The following GNAO1 variants were observed in gnomAD, a reference collection of about 807,000 sequenced individuals.
The protein encoded by GNAO1 is G protein subunit alpha o1, also known as guanine nucleotide-binding protein G(o) subunit alpha.
For synonymous variants in GNAO1, 164 were observed against 180.7 expected (o/e 0.91, Z 0.74); for missense variants, 166 against 478.7 (o/e 0.35, Z 6.10).
intron 3 of GNAO1, among the ~76,000 whole-genome samples, chr16:56,287,296 G>A (rs760461434): frequency 6.6e-6 from 1 of 152,126 alleles, no homozygotes; most frequent in Non-Finnish European, 1.5e-5. Flanking sequence ...TCAACACCTC[G>A]CTTCAAAGCT....
At chr16:56,284,075 C>G (rs1480195523) in intron 3 of GNAO1, among the ~76,000 whole-genome samples, 1 of 152,202 alleles carries the variant, frequency 6.6e-6, no homozygotes, top group African/African-American at 2.4e-5. Context: ...CATTTTCTTT[C>G]ATTCAGTTGG....
intron 2 of GNAO1, among the ~76,000 whole-genome samples, chr16:56,227,687 CAAAAAAAAAAA>C (rs386384777): frequency 1.6e-5 from 1 of 61,954 alleles, no homozygotes. Context: ...GACCCTGTCT[CAAAAAAAAAAA>C]AAAAAAAAAA....
chr16:56,212,444 T>C (rs1232923435), intron 2 of GNAO1, among the ~76,000 whole-genome samples: 5 of 152,244 alleles, frequency 3.3e-5, no homozygotes, highest in Non-Finnish European at 7.3e-5. Context: ...CTTGGCTGAC[T>C]GTCATCTCTC....
intron 3 of GNAO1, among the ~76,000 whole-genome samples, chr16:56,289,102 A>G (rs1445492836): frequency 6.6e-6 from 1 of 152,164 alleles, no homozygotes; most frequent in African/African-American, 2.4e-5. Context: ...TCAATTGAAG[A>G]CTGACTTTCT....
chr16:56,299,057 A>G (rs1335426427), intron 3 of GNAO1, among the ~76,000 whole-genome samples: 1 of 152,200 alleles, frequency 6.6e-6, no homozygotes, highest in African/African-American at 2.4e-5. Flanking sequence ...AGCAGGTAAA[A>G]TGATTAACCT....
intron 2 of GNAO1, among the ~76,000 whole-genome samples, chr16:56,210,634 G>A (rs904388422): frequency 2.0e-5 from 3 of 152,200 alleles, no homozygotes; most frequent in East Asian, 1.9e-4. Flanking sequence ...GTGGTATCTC[G>A]TTGTTAGAGA....
intron 3 of GNAO1, 61 bp from the exon 4 acceptor site, chr16:56,328,570 C>T: frequency 6.4e-7 from 1 of 1,557,142 alleles, no homozygotes. Flanking sequence ...GAGCCCTTGG[C>T]TGGCAGAGGT....
chr16:56,318,892 A>C (rs1440809312), intron 3 of GNAO1, among the ~76,000 whole-genome samples: 1 of 152,170 alleles, frequency 6.6e-6, no homozygotes, highest in East Asian at 1.9e-4. Flanking sequence ...TTATCTGCAC[A>C]AACAGCCCTG....
At chr16:56,215,784 C>T (rs1413586564) in intron 2 of GNAO1, among the ~76,000 whole-genome samples, 1 of 152,136 alleles carries the variant, frequency 6.6e-6, no homozygotes, top group Non-Finnish European at 1.5e-5. Flanking sequence ...TATGAAACTT[C>T]AGTATACATA....
At chr16:56,346,262 T>C in intron 6 of GNAO1, 1 of 985,346 alleles carries the variant, frequency 1.0e-6, no homozygotes, top group African/African-American at 1.7e-5. Flanking sequence ...TGACTGAGGG[T>C]GACAAATGAG....
At chr16:56,347,531 G>C (rs2037882716) in intron 6 of GNAO1, 1 of 985,534 alleles carries the variant, frequency 1.0e-6, no homozygotes, top group South Asian at 4.7e-5. Flanking sequence ...ACTGCAGCCA[G>C]ATGAAGGCCC....
At chr16:56,347,760 T>TG in intron 6 of GNAO1, 1 of 444,840 alleles carries the variant, frequency 2.2e-6, no homozygotes, top group Non-Finnish European at 2.6e-6. Flanking sequence ...TCCCCTTCCC[T>TG]CCCCACCCCT....
intron 4 of GNAO1, among the ~76,000 whole-genome samples, chr16:56,334,422 G>GA (rs1295170411): frequency 6.6e-6 from 1 of 152,100 alleles, no homozygotes; most frequent in Non-Finnish European, 1.5e-5. Flanking sequence ...TCTTTTAAAT[G>GA]AAAAAATGAC....
chr16:56,296,686 G>C (rs933907668), intron 3 of GNAO1, among the ~76,000 whole-genome samples: 1 of 152,172 alleles, frequency 6.6e-6, no homozygotes, highest in Non-Finnish European at 1.5e-5. Flanking sequence ...CTGGGCTCCA[G>C]CTAGAGCCCA....
At chr16:56,297,368 G>A (rs985313910) in intron 3 of GNAO1, among the ~76,000 whole-genome samples, 1 of 152,056 alleles carries the variant, frequency 6.6e-6, no homozygotes, top group Non-Finnish European at 1.5e-5. Flanking sequence ...AAGGCTCAGG[G>A]AGGCCAACCA....
intron 6 of GNAO1, chr16:56,344,472 G>C: frequency 1.0e-6 from 1 of 991,858 alleles, no homozygotes; most frequent in Non-Finnish European, 1.2e-6. Flanking sequence ...GAGGACTCAG[G>C]CCTTGGCGAT....
intron 7 of GNAO1, chr16:56,353,239 T>A (rs1391644787): frequency 3.9e-5 from 6 of 152,276 alleles, no homozygotes; most frequent in African/African-American, 1.4e-4. Flanking sequence ...GTAGGCCCCC[T>A]CAGGCCAGGG....
At chr16:56,204,209 G>C (rs539025121) in intron 2 of GNAO1, among the ~76,000 whole-genome samples, 1 of 152,190 alleles carries the variant, frequency 6.6e-6, no homozygotes, top group Admixed American at 6.5e-5. Flanking sequence ...GGAAACACAG[G>C]AGCAGGGAAG....
chr16:56,342,520 T>G (rs1234107558), intron 6 of GNAO1, among the ~76,000 whole-genome samples: 1 of 152,190 alleles, frequency 6.6e-6, no homozygotes, highest in Non-Finnish European at 1.5e-5. Flanking sequence ...TCCTAGACTC[T>G]CCTCTCCCTG....
Sources: gnomAD v4.1 joint callset for allele counts (sites outside exome capture counted in the v4.1 genomes callset) on GRCh38, gnomAD v4.1.1 for gene constraint, MANE v1.5 for transcripts, NCBI Gene and HGNC (gene_info 2026-07-23, HGNC 2026-07-21) for gene names.